POLL: variants seen among roughly 807,000 people sequenced by gnomAD.
The protein encoded by POLL is DNA polymerase beta-2.
In POLL, 44 loss-of-function variants were observed where a neutral mutation model predicts 58.1. The observed-to-expected ratio is 0.76, with a 90% CI of 0.60 to 0.97. The LOEUF (loss-of-function observed/expected upper bound fraction) is 0.97, where lower values mean the gene tolerates loss of function less well. POLL is among the 50% of genes least tolerant of loss of function. The probability of loss-of-function intolerance (pLI) is 0.00; values close to 1 mark genes in which losing one functional copy is unlikely to be tolerated. For synonymous variants in POLL, 290 were observed against 283.2 expected (o/e 1.02, Z -0.24); for missense variants, 632 against 736.8 (o/e 0.86, Z 1.65).
rs146361439 is a variant in POLL, at chr10:101,580,360, T to C, written c.1251A>G (p.Ser417=). The C allele has an allele frequency of 6.2e-7, 1 of 1,614,044 alleles. No homozygotes were observed. The highest frequency in any genetic ancestry group is 2.2e-5 in the East Asian group (1 of 44,862). Residue 417 remains serine, a synonymous_variant, in exon 8 of 9, where the codon TCA becomes TCG. Coordinates refer to ENST00000370162, the MANE Select transcript of POLL (RefSeq NM_001174084.2). The surrounding 1 kb of genome is among the most constrained non-coding windows in gnomAD (Gnocchi z 4.1). ...CACAGGTCGCCTTTCCCCGTCGGTA[T>C]GAACCACATGCCACACACAGCAGCC... is the stretch of plus-strand genomic sequence containing the variant. The part of the protein sequence containing the change: ...NSGLLCVACG[S]YRRGKATCGD...
Position 101,580,411 on chromosome 10 carries a change from C to T in POLL, c.1200G>A (p.Gln400=). 1 of 1,613,506 alleles carries T rather than the reference C, an allele frequency of 6.2e-7. No individual in the cohort carries two copies. ...EEATEIEQTV[Q]KAAQAFNSGL... Reference sequence around the variant, plus strand: ...CAGAGTTAAAGGCCTGGGCTGCTTTCTGGACCTGGGAAAGAGAGCGGTGAC... The same window carrying T: ...CAGAGTTAAAGGCCTGGGCTGCTTTTTGGACCTGGGAAAGAGAGCGGTGAC... The change falls in exon 8 of 9, where the codon CAG becomes CAA. Residue 400 remains glutamine (Q), a synonymous_variant. Transcript: ENST00000370162. The surrounding 1 kb of genome is among the most constrained non-coding windows in gnomAD (Gnocchi z 4.1).
At chr10:101,583,358 C>A (rs2063109558) in intron 6 of POLL, 150 bp downstream of exon 6, 1 of 787,454 alleles carries the variant, frequency 1.3e-6, no homozygotes, top group Non-Finnish European at 2.0e-6. Flanking sequence ...CTATATGAGT[C>A]CTGGTCCGCT....
intron 1 of POLL, 152 bp from the exon 2 acceptor site, chr10:101,587,558 A>C: frequency 1.4e-5 from 19 of 1,401,436 alleles, no homozygotes; most frequent in Non-Finnish European, 1.8e-5. Context: ...TCAGTGGTTT[A>C]GCCTAGCTTC....
rs1353279326 is a variant in POLL, at chr10:101,579,908, C to A, written c.1364-91G>T. ...GTCTCTCCTGATGTCTAAGCTGGGG[C>A]TTGCCCAGGTATTAGCTGGGTGACA... On this transcript the variant is annotated intron_variant, in intron 8 of 8. Coordinates refer to ENST00000370162, the MANE Select transcript of POLL (RefSeq NM_001174084.2). This position sits in a 1 kb window ranked among gnomAD's most constrained non-coding sequence, Gnocchi z 4.4. The A allele has an allele frequency of 6.9e-7, 1 of 1,449,742 alleles. No individual in the cohort carries two copies. Among genetic ancestry groups the A allele is most frequent in the African/African-American group, 1.4e-5 (1 of 70,584 alleles). The allele number at this position is 1,449,742 out of a possible 1,614,324, so 89.8% of individuals were successfully genotyped here. A position where few individuals can be genotyped will look rare whatever the true frequency, so the allele number is the denominator to read the frequency against.
Position 101,580,110 on chromosome 10 carries a change from G to T in POLL, c.1363+138C>A. 2 of 810,320 alleles carry T rather than the reference G, an allele frequency of 2.5e-6. No individual in the cohort carries two copies. Among genetic ancestry groups the T allele is most frequent in the Non-Finnish European group, 3.9e-6 (2 of 511,662 alleles). The allele number at this position is 810,320 out of a possible 1,614,324, so 50.2% of individuals were successfully genotyped here. A position where few individuals can be genotyped will look rare whatever the true frequency, so the allele number is the denominator to read the frequency against. ...CCTGGAGAGGATTCCGGCCCCGATA[G>T]AGAGATGGGATGCTGGCAAAGCACT... On this transcript the variant is annotated intron_variant, in intron 8 of 8. Coordinates refer to ENST00000370162, the MANE Select transcript of POLL (RefSeq NM_001174084.2). The surrounding 1 kb of genome is among the most constrained non-coding windows in gnomAD (Gnocchi z 4.1).
Position 101,585,968 on chromosome 10 carries a change from G to T in POLL, c.304C>A (p.Gln102Lys). ...ERALRLLRLP[Q>K]LPPGAQLVKS... The stretch of plus-strand genomic sequence containing the variant: ...ACCAGCTGAGCACCCGGGGGCAGCT[G>T]GGGTAGTCTGAGAAGGCGGAGGGCT... Residue 102 changes from glutamine (Q) to lysine (K), a missense_variant, in exon 3 of 9, where the codon CAG becomes AAG. Transcript: ENST00000370162. The T allele has an allele frequency of 2.5e-6, 4 of 1,614,148 alleles. No homozygotes were observed. The highest frequency in any genetic ancestry group is 3.4e-6 in the Non-Finnish European group (4 of 1,180,030).
chr10:101,584,629 G>A lies in POLL; in HGVS notation c.864C>T (p.Ser288=). Residue 288 remains serine (S), a synonymous_variant, in exon 5 of 9, where the codon AGC becomes AGT. Coordinates refer to ENST00000370162, the MANE Select transcript of POLL (RefSeq NM_001174084.2). ...GYAKAINALK[S]FHKPVTSYQE... The stretch of plus-strand genomic sequence containing the variant: ...GGTACGAGGTGACAGGCTTATGGAA[G>A]CTCTTGAGGGCATTGATGGCCTTGG... 6.3e-7 allele frequency: 1 copy of A among 1,588,922 alleles called. No homozygotes were observed. Among genetic ancestry groups the A allele is most frequent in the Non-Finnish European group, 8.6e-7 (1 of 1,166,930 alleles).
rs1400423638 is a variant in POLL, at chr10:101,579,642, G to A, written c.1539C>T (p.Asn513=). 6.2e-7 allele frequency: 1 copy of A among 1,613,994 alleles called. No individual in the cohort carries two copies. The change falls in exon 9 of 9, where the codon AAC becomes AAT. Residue 513 remains asparagine, a synonymous_variant. Transcript: ENST00000370162. This position sits in a 1 kb window ranked among gnomAD's most constrained non-coding sequence, Gnocchi z 4.4. ...LLYFTGSAHF[N]RSMRALAKTK... is the part of the protein sequence containing the mutation. ...TTTTGGCCAGGGCTCGCATGGAGCG[G>A]TTGAAGTGTGCAGAGCCGGTGAAGT...
In POLL at chr10:101,579,683, C is replaced by T. The variant is rs150453080; in HGVS notation, c.1498G>A (p.Ala500Thr). The change falls in exon 9 of 9, where the codon GCC becomes ACC. Residue 500 changes from alanine (A) to threonine (T), a missense_variant. Transcript: ENST00000370162. The surrounding 1 kb of genome is among the most constrained non-coding windows in gnomAD (Gnocchi z 4.4). The stretch of plus-strand genomic sequence containing the variant: ...CCGGTGAAGTAGAGCAGGGCACAGG[C>T]AAACTCGCTATAGGGCACCACGATG... The part of the protein sequence containing the change: ...DIIVVPYSEF[A>T]CALLYFTGSA... The T allele has an allele frequency of 6.8e-6, 11 of 1,613,908 alleles. No individual in the cohort carries two copies. In the East Asian group the frequency reaches 2.5e-4, roughly 36 times the overall value.
intron 2 of POLL, chr10:101,586,993 G>A: frequency 5.2e-6 from 3 of 574,236 alleles, no homozygotes; most frequent in Non-Finnish European, 9.2e-6. Context: ...AATTATACTG[G>A]TCATTCCCTG....
Position 101,585,384 on chromosome 10 carries a change from G to T in POLL, c.505C>A (p.Pro169Thr). 4.4e-6 allele frequency: 7 copies of T among 1,608,700 alleles called. No homozygotes were observed. The highest frequency in any genetic ancestry group is 5.9e-6 in the Non-Finnish European group (7 of 1,177,506). ...GACACAGGCCTGGTGGGAGGAGGAG[G>T]AGGAGAAAGGGCTGTCTGAAGCAGG... ...EALLQTALSP[P>T]PPPTRPVSPP... The change falls in exon 4 of 9, where the codon CCT becomes ACT. Residue 169 changes from proline to threonine, a missense_variant. By Grantham distance (38) the Pro-to-Thr change is conservative. Transcript: ENST00000370162.
rs764422307 is a variant in POLL at position 101,582,955 on chromosome 10, G to GCA, written c.1066-66_1066-65dup. ...AGGACCAATGAAGAGGCATGAGTGAGCACACACACAAGGCTTCCATCGCCC... is the reference window on the plus strand; with the variant it reads ...AGGACCAATGAAGAGGCATGAGTGAGCACACACACACAAGGCTTCCATCGCCC... On this transcript the variant is annotated intron_variant, in intron 6 of 8. Transcript: ENST00000370162. 14 of 1,600,706 alleles carry GCA rather than the reference G, an allele frequency of 8.7e-6. No homozygotes were observed. In the South Asian group the frequency reaches 1.4e-4, roughly 16 times the overall value.
rs1188997716 is a variant in POLL at position 101,579,749 on chromosome 10, G to C, written c.1432C>G (p.Arg478Gly). The C allele has an allele frequency of 1.9e-6, 3 of 1,613,830 alleles. No homozygotes were observed. In the South Asian group the frequency reaches 3.3e-5, roughly 18 times the overall value. ...TGCCGCCGCCCTGGCCCTGGGAGCC[G>C]GCACACCCCCAAGTACTTCTGTTGC... ...GQQQKYLGVC[R>G]LPGPGRRHRR... Residue 478 changes from arginine to glycine, a missense_variant, in exon 9 of 9, where the codon CGG (arginine) becomes GGG (glycine). Physicochemically the swap from Arg to Gly is moderately radical, Grantham distance 125. Coordinates refer to ENST00000370162, the MANE Select transcript of POLL (RefSeq NM_001174084.2). This position sits in a 1 kb window ranked among gnomAD's most constrained non-coding sequence, Gnocchi z 4.4.
At chr10:101,587,124 G>C (rs778781132) in intron 2 of POLL, 122 bp downstream of exon 2, 1 of 1,604,664 alleles carries the variant, frequency 6.2e-7, no homozygotes. Context: ...AAACAGACCT[G>C]CAGGCCCTGG....
At position 101,584,831 on chromosome 10, in the gene POLL, GT is replaced by G; in HGVS notation, c.661del (p.Thr221ProfsTer94). 1 of 1,542,170 alleles carries G rather than the reference GT, an allele frequency of 6.5e-7. No homozygotes were observed. Among genetic ancestry groups the G allele is most frequent in the Admixed American group, 1.9e-5 (1 of 51,488 alleles). ...AGGCTCACAATCTCCCTCAAGGGAG[GT>G]GGGGTAGTGGCCACTGATGAGGGCT... ...LEALISGHYP[T>X]SLEGDCEPSP... On this transcript the variant is annotated frameshift_variant, in exon 5 of 9. Transcript: ENST00000370162. LOFTEE classifies it high-confidence loss of function.
At chr10:101,583,405 A>T in intron 6 of POLL, 103 bp downstream of exon 6, 1 of 1,309,812 alleles carries the variant, frequency 7.6e-7, no homozygotes, top group Non-Finnish European at 1.1e-6. Flanking sequence ...GTGCATTCCC[A>T]TCAGAGCACA....
At chr10:101,582,687 T>G (rs186433378) in intron 7 of POLL, 76 bp downstream of exon 7, 35 of 1,445,402 alleles carry the variant, frequency 2.4e-5, no homozygotes, top group Admixed American at 1.7e-5. Flanking sequence ...AGCTGAGGAG[T>G]TGGGGGTTCT....
chr10:101,580,192 C>A lies in POLL; in HGVS notation c.1363+56G>T. On this transcript the variant is annotated intron_variant, in intron 8 of 8. Transcript: ENST00000370162. The surrounding 1 kb of genome is among the most constrained non-coding windows in gnomAD (Gnocchi z 4.1). ...TTCTGAGGTTCTCCCTCTGAGGGGG[C>A]CCCCAGACCTGTGCTGCCCTCTGTC... 3.4e-6 allele frequency: 5 copies of A among 1,488,974 alleles called. No homozygotes were observed. The highest frequency in any genetic ancestry group is 2.6e-5 in the South Asian group (2 of 77,906). 92.2% of individuals were successfully genotyped at this position (1,488,974 alleles called of 1,614,324 possible).
rs1308725814 is a variant in POLL at position 101,588,025 on chromosome 10, G to T, written c.-250C>A. On this transcript the variant is annotated 5_prime_UTR_variant, in exon 1 of 9. Coordinates refer to ENST00000370162, the MANE Select transcript of POLL (RefSeq NM_001174084.2). ...GCGGGTGAAGTCCCGGGCAGGTGCG[G>T]TGTACTCGCCGTGTACGCAGCTGGC... The T allele has an allele frequency of 7.2e-7, 1 of 1,384,564 alleles. No individual in the cohort carries two copies. The highest frequency in any genetic ancestry group is 1.4e-5 in the African/African-American group (1 of 69,234). 85.8% of individuals were successfully genotyped at this position (1,384,564 alleles called of 1,614,324 possible).
Sources: gnomAD v4.1 joint callset for allele counts on GRCh38, gnomAD v4.1.1 for gene constraint, Gnocchi (gnomAD v3.1) non-coding constraint, MANE v1.5 for transcripts, NCBI Gene and HGNC (gene_info 2026-07-23, HGNC 2026-07-21) for gene names.